Variants in RGS7 observed in about 807,000 individuals in gnomAD.
RGS7 encodes the protein regulator of G-protein signaling 7.
A neutral mutation model predicts 81.1 loss-of-function variants in RGS7; 27 were observed. The observed-to-expected ratio is 0.33, with a 90% CI of 0.25 to 0.46. RGS7 has a LOEUF of 0.46. RGS7 is among the 20% of genes least tolerant of loss of function. The pLI is 1.00. For synonymous variants in RGS7, 208 were observed against 207.7 expected (o/e 1.00, Z -0.01); for missense variants, 396 against 607.4 (o/e 0.65, Z 3.66).
intron 2 of RGS7, among the ~76,000 whole-genome samples, chr1:241,273,460 T>C (rs2078034063): frequency 1.3e-5 from 2 of 151,946 alleles, no homozygotes; most frequent in South Asian, 4.2e-4. Context: ...TTGAGGGAGA[T>C]GGAGTTCTCA....
intron 2 of RGS7, among the ~76,000 whole-genome samples, chr1:241,205,930 T>A (rs1042519543): frequency 6.6e-6 from 1 of 152,248 alleles, no homozygotes; most frequent in African/African-American, 2.4e-5. Flanking sequence ...AGCTGACTTG[T>A]TAGAACTGTG....
intron 2 of RGS7, among the ~76,000 whole-genome samples, chr1:241,335,089 T>G (rs2082170814): frequency 6.6e-6 from 1 of 152,228 alleles, no homozygotes; most frequent in Admixed American, 6.5e-5. Flanking sequence ...AACTGCAGAC[T>G]GATCCCACTT....
At chr1:240,826,428 G>A (rs1311706920) in intron 10 of RGS7, among the ~76,000 whole-genome samples, 1 of 152,082 alleles carries the variant, frequency 6.6e-6, no homozygotes, top group East Asian at 1.9e-4. Context: ...CTAAGGAAAT[G>A]GCCACAGAAA....
intron 6 of RGS7, among the ~76,000 whole-genome samples, chr1:240,927,730 G>A (rs1674689425): frequency 6.6e-6 from 1 of 152,066 alleles, no homozygotes; most frequent in South Asian, 2.1e-4. Flanking sequence ...TTACATTATT[G>A]TAATTTACTT....
In RGS7 at chr1:240,967,031, T is replaced by C. The variant is rs117058894; in HGVS notation, c.226+16048A>G. Among the ~76,000 whole-genome samples, 46 of 152,330 alleles carry C rather than the reference T, an allele frequency of 3.0e-4. No individual in the cohort carries two copies. In the East Asian group the frequency reaches 7.9e-3, roughly 26 times the overall value. ...TATAAAGCTCATATTCTAGTGAATA[T>C]GTGGCTCAGACTTCGGGAAATGTCC... On this transcript the variant is annotated intron_variant, in intron 4 of 18. Coordinates refer to ENST00000440928, the MANE Select transcript of RGS7 (RefSeq NM_001364886.1).
chr1:241,236,642 A>T (rs1158511985), intron 2 of RGS7, among the ~76,000 whole-genome samples: 1 of 152,244 alleles, frequency 6.6e-6, no homozygotes, highest in African/African-American at 2.4e-5. Flanking sequence ...TTAATCTGAC[A>T]GAATATAAAG....
rs369243120 is a variant in RGS7 at position 240,841,135 on chromosome 1, G to A, written c.610-13963C>T. ...TTTAGCTCAAATGTTCTTTTCCTGT[G>A]CAATGTGATTAGCCCATCAGTTGAT... On this transcript the variant is annotated intron_variant, in intron 9 of 18. Transcript: ENST00000440928. Among the ~76,000 whole-genome samples the A allele has an allele frequency of 3.3e-5, 5 of 152,174 alleles. No homozygotes were observed. In the East Asian group the frequency reaches 5.8e-4, roughly 18 times the overall value.
intron 3 of RGS7, among the ~76,000 whole-genome samples, chr1:241,008,770 G>C (rs2058805638): frequency 1.3e-5 from 2 of 151,728 alleles, no homozygotes; most frequent in African/African-American, 2.4e-5. Context: ...AAATTAGCTG[G>C]GCATGGTCGC....
chr1:241,210,523 A>G (rs1345686328), intron 2 of RGS7, among the ~76,000 whole-genome samples: 2 of 152,244 alleles, frequency 1.3e-5, no homozygotes, highest in Non-Finnish European at 1.5e-5. Flanking sequence ...TAACAGAAAG[A>G]AGGGTAGAAC....
chr1:241,110,833 C>T lies in RGS7; in HGVS notation c.79-12071G>A, dbSNP rs181070554. 8.6e-5 allele frequency among the ~76,000 whole-genome samples: 13 copies of T among 151,776 alleles called. No homozygotes were observed. In the East Asian group the frequency reaches 9.7e-4, roughly 11 times the overall value. The stretch of plus-strand genomic sequence containing the variant: ...GCCTCTCAAATAGCTTACAAGTGCC[C>T]GCCATCATGCCCAGCTAATTTTTGT... On this transcript the variant is annotated intron_variant, in intron 2 of 18. Transcript: ENST00000440928.
intron 6 of RGS7, among the ~76,000 whole-genome samples, chr1:240,896,978 T>A (rs895334281): frequency 3.9e-5 from 6 of 152,186 alleles, no homozygotes; most frequent in African/African-American, 1.4e-4. Flanking sequence ...GGTTTGTAGT[T>A]CTCCTTGAAG....
chr1:241,072,836 T>G (rs1330029357), intron 3 of RGS7, among the ~76,000 whole-genome samples: 1 of 152,168 alleles, frequency 6.6e-6, no homozygotes, highest in Non-Finnish European at 1.5e-5. Flanking sequence ...AATATAGGCA[T>G]GTATTTACAT....
At chr1:240,993,277 AAGAGAG>A (rs202089970) in intron 3 of RGS7, among the ~76,000 whole-genome samples, 6 of 151,440 alleles carry the variant, frequency 4.0e-5, no homozygotes, top group Non-Finnish European at 8.9e-5. Context: ...AAAAGAAAGA[AAGAGAG>A]AGAGAGAGAA....
chr1:240,899,230 C>G (rs1253615304), intron 6 of RGS7, among the ~76,000 whole-genome samples: 1 of 152,104 alleles, frequency 6.6e-6, no homozygotes, highest in Non-Finnish European at 1.5e-5. Context: ...GGTCTTGACT[C>G]TTTATCCAAT....
At chr1:241,198,124 G>A (rs537805226) in intron 2 of RGS7, among the ~76,000 whole-genome samples, 1 of 151,772 alleles carries the variant, frequency 6.6e-6, no homozygotes, top group Non-Finnish European at 1.5e-5. Flanking sequence ...AGCAAGAGAA[G>A]AAATTACAAG....
intron 2 of RGS7, among the ~76,000 whole-genome samples, chr1:241,303,174 T>C (rs544697986): frequency 1.4e-5 from 2 of 146,750 alleles, no homozygotes; most frequent in East Asian, 3.9e-4. Context: ...TAATCCCCAG[T>C]GTTGTAAAAG....
intron 2 of RGS7, among the ~76,000 whole-genome samples, chr1:241,249,174 C>G (rs1029971012): frequency 1.3e-5 from 2 of 152,078 alleles, no homozygotes; most frequent in African/African-American, 4.8e-5. Context: ...TTTCATGTTG[C>G]ATGCAGGAAA....
At chr1:241,039,218 T>C (rs2060482527) in intron 3 of RGS7, among the ~76,000 whole-genome samples, 1 of 152,208 alleles carries the variant, frequency 6.6e-6, no homozygotes, top group Non-Finnish European at 1.5e-5. Context: ...CTGCCTCCCA[T>C]TCTTCACTTT....
intron 18 of RGS7, among the ~76,000 whole-genome samples, chr1:240,794,081 T>G (rs1686579516): frequency 6.6e-6 from 1 of 152,146 alleles, no homozygotes; most frequent in Non-Finnish European, 1.5e-5. Context: ...GTTCCAAGTC[T>G]GCTTGTGTCC....
Sources: gnomAD v4.1 joint callset for allele counts (sites outside exome capture counted in the v4.1 genomes callset) on GRCh38, gnomAD v4.1.1 for gene constraint, MANE v1.5 for transcripts, NCBI Gene and HGNC (gene_info 2026-07-23, HGNC 2026-07-21) for gene names.